Variants in NXPE3 observed in about 807,000 individuals in gnomAD.
NXPE3 encodes neurexophilin and PC-esterase domain family member 3, also known as NXPE family member 3.
Under a neutral mutation model 46.1 loss-of-function variants are expected in NXPE3, and 26 were observed. The ratio of observed to expected loss-of-function variants is 0.56; its 90% CI spans 0.41 to 0.78. The LOEUF is 0.78. Ranked by LOEUF, NXPE3 falls within the 30% of genes least tolerant of loss-of-function variation. NXPE3 has a pLI of 0.00. For missense variants in NXPE3, 620 were observed against 686.0 expected, an observed-to-expected ratio of 0.90 and a Z score of 1.07; for synonymous variants, 272 against 257.9, an observed-to-expected ratio of 1.05 and a Z score of -0.52.
chr3:101,810,921 C>G (rs1225488965), intron 6 of NXPE3, among the ~76,000 whole-genome samples: 5 of 152,212 alleles, frequency 3.3e-5, no homozygotes, highest in African/African-American at 1.2e-4. Context: ...CCTCTGCCTC[C>G]TGTGTTCAAG....
At chr3:101,817,399 C>T (rs1942019695) in intron 7 of NXPE3, among the ~76,000 whole-genome samples, 1 of 152,192 alleles carries the variant, frequency 6.6e-6, no homozygotes, top group Non-Finnish European at 1.5e-5. Context: ...TCTGTCTCAT[C>T]CAACTCCAAG....
chr3:101,814,214 G>A (rs997219069), intron 6 of NXPE3, among the ~76,000 whole-genome samples: 21 of 152,174 alleles, frequency 1.4e-4, no homozygotes, highest in African/African-American at 5.1e-4. Context: ...GTGGGCCCTA[G>A]GTGTCGTCTC....
At chr3:101,815,236 T>C (rs1941920222) in intron 6 of NXPE3, among the ~76,000 whole-genome samples, 1 of 152,240 alleles carries the variant, frequency 6.6e-6, no homozygotes, top group Non-Finnish European at 1.5e-5. Flanking sequence ...TTAGCATTGT[T>C]CATTATATAT....
chr3:101,789,711 C>G (rs1045939424), intron 4 of NXPE3, among the ~76,000 whole-genome samples: 1 of 151,010 alleles, frequency 6.6e-6, no homozygotes, highest in Non-Finnish European at 1.5e-5. Context: ...TTTTTTTTGG[C>G]GACAAATTTT....
intron 1 of NXPE3, among the ~76,000 whole-genome samples, chr3:101,781,133 T>G (rs1939800927): frequency 6.6e-6 from 1 of 152,252 alleles, no homozygotes; most frequent in Admixed American, 6.5e-5. Context: ...CTTTTGTCTC[T>G]TACTATTGTT....
chr3:101,794,149 C>T (rs1014573354), intron 4 of NXPE3, among the ~76,000 whole-genome samples: 1 of 150,300 alleles, frequency 6.7e-6, no homozygotes, highest in Non-Finnish European at 1.5e-5. Flanking sequence ...GAGGCTAAAT[C>T]GCATTACTGT....
intron 6 of NXPE3, among the ~76,000 whole-genome samples, chr3:101,812,354 T>C (rs904350659): frequency 1.3e-5 from 2 of 152,174 alleles, no homozygotes; most frequent in Admixed American, 6.5e-5. Context: ...GCCCATGTTC[T>C]GCATATAAAA....
intron 6 of NXPE3, among the ~76,000 whole-genome samples, chr3:101,809,768 G>A (rs760772094): frequency 3.3e-5 from 5 of 152,108 alleles, no homozygotes; most frequent in Non-Finnish European, 7.4e-5. Context: ...GGCAGTTGGG[G>A]AACACTTTCA....
At position 101,828,115 on chromosome 3, in the gene NXPE3, C is replaced by G. The variant is rs548632700; in HGVS notation, c.*6161C>G. 6.6e-6 allele frequency: 1 copy of G among 152,272 alleles called. No individual in the cohort carries two copies. Among genetic ancestry groups the G allele is most frequent in the South Asian group, 2.1e-4 (1 of 4,824 alleles). 9.4% of individuals were successfully genotyped at this position (152,272 alleles called of 1,614,324 possible). A position where few individuals can be genotyped will look rare whatever the true frequency, so the allele number is the denominator to read the frequency against. ...TGCTGTCACGTACTTGGGTTATTAT[C>G]GCTGATTACAGCTGGAAACAATTGA... is the stretch of plus-strand genomic sequence containing the variant. On this transcript the variant is annotated 3_prime_UTR_variant, in exon 8 of 8. Coordinates refer to ENST00000273347, the MANE Select transcript of NXPE3 (RefSeq NM_145037.4).
intron 7 of NXPE3, among the ~76,000 whole-genome samples, chr3:101,818,097 T>TG (rs1482427328): frequency 2.0e-5 from 3 of 152,064 alleles, no homozygotes; most frequent in African/African-American, 7.2e-5. Flanking sequence ...CTCACTGTGT[T>TG]GCTCAGGCTA....
At chr3:101,793,785 A>G (rs1265199325) in intron 4 of NXPE3, among the ~76,000 whole-genome samples, 1 of 151,598 alleles carries the variant, frequency 6.6e-6, no homozygotes, top group Non-Finnish European at 1.5e-5. Context: ...TTCTTTATAC[A>G]CATATGCTTA....
chr3:101,819,348 C>T (rs576596031), intron 7 of NXPE3, among the ~76,000 whole-genome samples: 5 of 152,346 alleles, frequency 3.3e-5, no homozygotes, highest in African/African-American at 4.8e-5. Context: ...AGGACTGCCA[C>T]TGATTCCTGG....
rs752875492 is a variant in NXPE3 at position 101,821,684 on chromosome 3, C to T, written c.1410C>T (p.Leu470=). Residue 470 remains leucine (L), a synonymous_variant, in exon 8 of 8, where the codon CTC becomes CTT. Coordinates refer to ENST00000273347, the MANE Select transcript of NXPE3 (RefSeq NM_145037.4). ...LRNIRRAVVR[L]LDRSPKTVVV... ...ACATCCGTCGAGCAGTGGTTCGGCT[C>T]CTCGATCGAAGCCCAAAGACCGTGG... 6.2e-7 allele frequency: 1 copy of T among 1,614,192 alleles called. No homozygotes were observed. The highest frequency in any genetic ancestry group is 8.5e-7 in the Non-Finnish European group (1 of 1,180,040).
chr3:101,792,056 C>T (rs924354004), intron 4 of NXPE3, among the ~76,000 whole-genome samples: 7 of 151,810 alleles, frequency 4.6e-5, no homozygotes, highest in South Asian at 4.2e-4. Flanking sequence ...GCTCTTTGGC[C>T]GCATGTGTGT....
rs531222528 is a variant in NXPE3 at position 101,822,244 on chromosome 3, T to G, written c.*290T>G. 2.9e-5 allele frequency: 10 copies of G among 341,444 alleles called. No homozygotes were observed. In the East Asian group the frequency reaches 4.4e-4, roughly 15 times the overall value. 21.2% of individuals were successfully genotyped at this position (341,444 alleles called of 1,614,324 possible). On this transcript the variant is annotated 3_prime_UTR_variant, in exon 8 of 8. Coordinates refer to ENST00000273347, the MANE Select transcript of NXPE3 (RefSeq NM_145037.4). ...GCTAATGAGTGTATTTGAATTAGCT[T>G]CTCCTAGGAGGGGTGACTACTTTGC...
chr3:101,815,325 G>A (rs185059446), intron 6 of NXPE3, among the ~76,000 whole-genome samples: 25 of 152,210 alleles, frequency 1.6e-4, no homozygotes, highest in Admixed American at 1.6e-3. Context: ...CATATTAAGT[G>A]GTGTTTTTTT....
intron 4 of NXPE3, 22 bp from the exon 5 acceptor site, chr3:101,801,213 T>G: frequency 6.3e-7 from 1 of 1,579,246 alleles, no homozygotes; most frequent in Non-Finnish European, 8.6e-7. Flanking sequence ...GTAATTTCTG[T>G]TGTTTGTGTC....
In NXPE3 at chr3:101,785,414, G is replaced by A; in HGVS notation, c.-183G>A. 3.5e-6 allele frequency: 2 copies of A among 574,138 alleles called. No homozygotes were observed. Among genetic ancestry groups the A allele is most frequent in the South Asian group, 4.0e-5 (2 of 50,074 alleles). The allele number at this position is 574,138 out of a possible 1,614,324, so 35.6% of individuals were successfully genotyped here. ...CTCCTCTTTGAAGGATTTCTTTGAA[G>A]AAAAATGTGCTTCTTGAATCAACTG... On this transcript the variant is annotated 5_prime_UTR_variant, in exon 4 of 8. Coordinates refer to ENST00000273347, the MANE Select transcript of NXPE3 (RefSeq NM_145037.4).
chr3:101,816,013 A>C (rs1941954894), intron 6 of NXPE3, among the ~76,000 whole-genome samples: 1 of 149,776 alleles, frequency 6.7e-6, no homozygotes, highest in African/African-American at 2.5e-5. Flanking sequence ...AAAAAGCAAA[A>C]CTTAGCCAGG....
Sources: allele counts gnomAD v4.1 joint callset (sites outside exome capture counted in the v4.1 genomes callset), GRCh38; gene constraint gnomAD v4.1.1; transcripts MANE v1.5; gene names NCBI Gene and HGNC (gene_info 2026-07-23, HGNC 2026-07-21).